The following C9orf72 variants were observed in gnomAD, a reference collection of about 807,000 sequenced individuals.
C9orf72 encodes the protein guanine nucleotide exchange factor C9orf72.
C9orf72 carries 44 observed loss-of-function variants against 51.6 expected under a neutral mutation model. The observed-to-expected ratio is 0.85, with a 90% CI of 0.67 to 1.10. The LOEUF is 1.10. Ranked by LOEUF, C9orf72 falls within the 50% of genes least tolerant of loss-of-function variation. The pLI is 0.00. For synonymous variants in C9orf72, 213 were observed against 194.2 expected, an observed-to-expected ratio of 1.10 and a Z score of -0.81; for missense variants, 607 against 570.6, an observed-to-expected ratio of 1.06 and a Z score of -0.65.
intron 5 of C9orf72, 183 bp downstream of exon 5, chr9:27,561,402 C>T (rs1819342918): frequency 1.5e-6 from 2 of 1,362,562 alleles, no homozygotes; most frequent in East Asian, 3.1e-5. Flanking sequence ...GGAATAACAC[C>T]AAATATATAT....
chr9:27,550,630 A>G lies in C9orf72; in HGVS notation c.1149+20T>C, dbSNP rs1045384930. 2.2e-5 allele frequency: 33 copies of G among 1,501,270 alleles called. No homozygotes were observed. Among genetic ancestry groups the G allele is most frequent in the Non-Finnish European group, 3.0e-5 (33 of 1,086,824 alleles). 93.0% of individuals were successfully genotyped at this position (1,501,270 alleles called of 1,614,324 possible). A position where few individuals can be genotyped will look rare whatever the true frequency, so the allele number is the denominator to read the frequency against. On this transcript the variant is annotated intron_variant, in intron 9 of 10. Transcript: ENST00000380003. ...ACATGTCATATCATTCACTCTGACAATCTCAAGTTCAACATTTACCTGATC... is the reference window on the plus strand; with the variant it reads ...ACATGTCATATCATTCACTCTGACAGTCTCAAGTTCAACATTTACCTGATC...
rs141596918 is a variant in C9orf72 at position 27,562,776 on chromosome 9, A to T, written c.505-300T>A. Among the ~76,000 whole-genome samples the T allele has an allele frequency of 1.3e-3, 197 of 149,444 alleles. 1 individual carries two copies. The highest frequency in any genetic ancestry group is 4.5e-3 in the African/African-American group (183 of 40,448). Reference sequence around the variant, plus strand: ...CAACCTCTCCTCCCAGGTTCAAGTGACTCTCCTGTCTCATCCTCCCAAGTA... The same window carrying T: ...CAACCTCTCCTCCCAGGTTCAAGTGTCTCTCCTGTCTCATCCTCCCAAGTA... On this transcript the variant is annotated intron_variant, in intron 3 of 10. Coordinates refer to ENST00000380003, the MANE Select transcript of C9orf72 (RefSeq NM_018325.5).
At position 27,556,781 on chromosome 9, in the gene C9orf72, A is replaced by T; in HGVS notation, c.871T>A (p.Phe291Ile). 6.2e-7 allele frequency: 1 copy of T among 1,612,530 alleles called. No individual in the cohort carries two copies. The highest frequency in any genetic ancestry group is 8.5e-7 in the Non-Finnish European group (1 of 1,178,598). The change falls in exon 8 of 11, where the codon TTT (phenylalanine) becomes ATT (isoleucine). Residue 291 changes from phenylalanine to isoleucine, a missense_variant. Transcript: ENST00000380003. The stretch of plus-strand genomic sequence containing the variant: ...ATGACTTGCCGGAAAGGCAGCACAA[A>T]GCTTCCAGTTGAATCCTGTCAAAAT... Reference protein sequence around the residue: ...QGLLKDSTGSFVLPFRQVMYA... With the variant: ...QGLLKDSTGSIVLPFRQVMYA...
intron 1 of C9orf72, among the ~76,000 whole-genome samples, chr9:27,568,086 C>CAAAAAAAAAAA (rs11418499): frequency 3.0e-4 from 24 of 80,570 alleles, no homozygotes; most frequent in East Asian, 8.0e-4. Context: ...GCTAAAAGGT[C>CAAAAAAAAAAA]AAAAAAAAAA....
At chr9:27,570,610 T>C (rs1438116456) in intron 1 of C9orf72, among the ~76,000 whole-genome samples, 1 of 151,964 alleles carries the variant, frequency 6.6e-6, no homozygotes, top group Non-Finnish European at 1.5e-5. Flanking sequence ...TCACACCTGT[T>C]ATCCCAGCTC....
At chr9:27,566,083 A>G (rs1354335006) in intron 2 of C9orf72, among the ~76,000 whole-genome samples, 1 of 152,178 alleles carries the variant, frequency 6.6e-6, no homozygotes, top group Non-Finnish European at 1.5e-5. Context: ...AAACTGGAAC[A>G]CAGGAAGGAG....
At chr9:27,567,214 A>C in intron 1 of C9orf72, 50 bp from the exon 2 acceptor site, 2 of 1,113,446 alleles carry the variant, frequency 1.8e-6, no homozygotes, top group Non-Finnish European at 2.6e-6. Context: ...ATTTAAAGAT[A>C]TCCATCAAAA....
intron 8 of C9orf72, 108 bp downstream of exon 8, chr9:27,556,453 T>C (rs1819198520): frequency 2.9e-6 from 2 of 680,508 alleles, no homozygotes; most frequent in Admixed American, 5.7e-5. Flanking sequence ...ATAATTCTGC[T>C]GGTAATATTT....
chr9:27,565,674 G>A, intron 2 of C9orf72, 84 bp from the exon 3 acceptor site: 1 of 860,926 alleles, frequency 1.2e-6, no homozygotes. Flanking sequence ...TTCTTGTGTA[G>A]TAATTTAGTT....
chr9:27,573,523 C>CGCCCCG (rs143561967), upstream of C9orf72: 4,747 of 142,424 alleles, frequency 0.033, 231 homozygotes, highest in South Asian at 0.084. Flanking sequence ...GCCCCGACCA[C>CGCCCCG]GCCCCGGCCC....
chr9:27,563,919 G>A (rs543723065), intron 3 of C9orf72, among the ~76,000 whole-genome samples: 20 of 152,148 alleles, frequency 1.3e-4, no homozygotes, highest in Admixed American at 2.6e-4. Context: ...TTTATCAGAT[G>A]ACAGCTACAA....
chr9:27,565,661 A>G (rs1819452012), intron 2 of C9orf72, 71 bp from the exon 3 acceptor site: 1 of 962,502 alleles, frequency 1.0e-6, no homozygotes, highest in Non-Finnish European at 1.6e-6. Context: ...TTCAATAGAC[A>G]TGTTCTTGTG....
chr9:27,553,190 A>G (rs1480671111), intron 8 of C9orf72, among the ~76,000 whole-genome samples: 1 of 152,180 alleles, frequency 6.6e-6, no homozygotes, highest in Non-Finnish European at 1.5e-5. Flanking sequence ...ACTACCAATG[A>G]TATCCTTCAC....
intron 7 of C9orf72, among the ~76,000 whole-genome samples, chr9:27,557,972 G>A (rs1301866193): frequency 6.6e-6 from 1 of 151,174 alleles, no homozygotes; most frequent in Admixed American, 6.6e-5. Flanking sequence ...TTCCCTTTAA[G>A]TATTATAAAT....
rs1820806768 is a variant in C9orf72 at position 27,548,086 on chromosome 9, G to T, written c.*150C>A. 1 of 490,798 alleles carries T rather than the reference G, an allele frequency of 2.0e-6. No homozygotes were observed. The highest frequency in any genetic ancestry group is 3.5e-6 in the Non-Finnish European group (1 of 282,322). The allele number at this position is 490,798 out of a possible 1,614,324, so 30.4% of individuals were successfully genotyped here. A position where few individuals can be genotyped will look rare whatever the true frequency, so the allele number is the denominator to read the frequency against. ...TGATGCACCTGACATCCCCTCACAG[G>T]CTCTTGTGAGAACTGTAGTGTAACT... On this transcript the variant is annotated 3_prime_UTR_variant, in exon 11 of 11. Coordinates refer to ENST00000380003, the MANE Select transcript of C9orf72 (RefSeq NM_018325.5).
In C9orf72 at chr9:27,558,561, C is replaced by G; in HGVS notation, c.785G>C (p.Cys262Ser). The change falls in exon 7 of 11, where the codon TGC becomes TCC. Residue 262 changes from cysteine (C) to serine (S), a missense_variant. Coordinates refer to ENST00000380003, the MANE Select transcript of C9orf72 (RefSeq NM_018325.5). ...TGATTCTGCTTCACATAACCTGGAG[C>G]ATTTTCTCTCTGCTGGAGTCAGAAA... The part of the protein sequence containing the change: ...CLFLTPAERK[C>S]SRLCEAESSF... The G allele has an allele frequency of 6.2e-7, 1 of 1,608,850 alleles. No individual in the cohort carries two copies. Among genetic ancestry groups the G allele is most frequent in the Non-Finnish European group, 8.5e-7 (1 of 1,177,818 alleles).
At chr9:27,560,493 C>T in intron 5 of C9orf72, 194 bp from the exon 6 acceptor site, 1 of 640,776 alleles carries the variant, frequency 1.6e-6, no homozygotes, top group Non-Finnish European at 2.3e-6. Context: ...CAGAAATTTT[C>T]TTATTGAGCC....
At chr9:27,560,987 T>C (rs1175691011) in intron 5 of C9orf72, 1 of 186,704 alleles carries the variant, frequency 5.4e-6, no homozygotes, top group East Asian at 1.9e-4. Flanking sequence ...TAAGTGTTTT[T>C]ATGTTCCAGG....
chr9:27,559,448 G>A (rs1185193449), intron 6 of C9orf72: 3 of 151,864 alleles, frequency 2.0e-5, no homozygotes, highest in Admixed American at 6.6e-5. Context: ...GGTATACTAA[G>A]CTCTCATAAA....
Sources: allele counts gnomAD v4.1 joint callset (sites outside exome capture counted in the v4.1 genomes callset), GRCh38; gene constraint gnomAD v4.1.1; transcripts MANE v1.5; gene names NCBI Gene and HGNC (gene_info 2026-07-23, HGNC 2026-07-21).